The following HELZ variants were observed in gnomAD, a reference collection of about 807,000 sequenced individuals.
HELZ encodes helicase with zinc finger.
In HELZ, 23 loss-of-function variants were observed where a neutral mutation model predicts 218.2. The observed-to-expected ratio is 0.11, with a 90% CI of 0.08 to 0.15. HELZ has a LOEUF of 0.15. Among genes scored for constraint, HELZ ranks in the 10% least tolerant of loss-of-function variants. The pLI, the probability that HELZ is intolerant of heterozygous loss-of-function variation, is 1.00. For missense variants in HELZ, 1,813 were observed against 2,353.7 expected, an observed-to-expected ratio of 0.77 and a Z score of 4.75; for synonymous variants, 814 against 829.4, an observed-to-expected ratio of 0.98 and a Z score of 0.32.
intron 23 of HELZ, among the ~76,000 whole-genome samples, chr17:67,133,469 T>C (rs1303240153): frequency 6.6e-6 from 1 of 152,212 alleles, no homozygotes; most frequent in South Asian, 2.1e-4. Context: ...TTGGTAAATA[T>C]ATTTGGAGTT....
At chr17:67,203,125 A>G (rs2040209370) in intron 6 of HELZ, among the ~76,000 whole-genome samples, 194 bp downstream of exon 6, 1 of 152,154 alleles carries the variant, frequency 6.6e-6, no homozygotes, top group African/African-American at 2.4e-5. Context: ...TGTCTCAAAA[A>G]AAAGAAAAAA....
intron 4 of HELZ, 47 bp downstream of exon 4, chr17:67,218,548 G>T (rs746183548): frequency 7.1e-7 from 1 of 1,410,880 alleles, no homozygotes; most frequent in Admixed American, 1.7e-5. Context: ...AATGAAAAAG[G>T]CCATTTTACA....
Position 67,194,051 on chromosome 17 carries a change from T to C in HELZ, c.482-9A>G, listed in dbSNP as rs201558077. 3.8e-6 allele frequency: 6 copies of C among 1,594,668 alleles called. No individual in the cohort carries two copies. In the East Asian group the frequency reaches 1.1e-4, roughly 30 times the overall value. The stretch of plus-strand genomic sequence containing the variant: ...CCAACCATTACAAGACCCTAGGGAG[T>C]AATTAGGATATAGTCTTATCATTTG... On this transcript the variant is annotated splice_polypyrimidine_tract_variant and intron_variant, in intron 8 of 32. Coordinates refer to ENST00000358691, the MANE Select transcript of HELZ (RefSeq NM_014877.4).
chr17:67,222,494 A>G (rs2040773166), intron 3 of HELZ, among the ~76,000 whole-genome samples: 1 of 152,138 alleles, frequency 6.6e-6, no homozygotes, highest in South Asian at 2.1e-4. Context: ...GAAATGACTC[A>G]ATTTACGACC....
intron 12 of HELZ, among the ~76,000 whole-genome samples, chr17:67,183,696 T>G (rs2039673610): frequency 6.6e-6 from 1 of 152,186 alleles, no homozygotes; most frequent in South Asian, 2.1e-4. Flanking sequence ...AGTTGTGGTA[T>G]AAACCATAAG....
intron 23 of HELZ, among the ~76,000 whole-genome samples, chr17:67,133,126 C>T (rs1302730183): frequency 1.3e-5 from 2 of 152,130 alleles, no homozygotes; most frequent in Admixed American, 6.5e-5. Flanking sequence ...ATCAACATTG[C>T]CATGTAACTA....
chr17:67,203,505 T>C, intron 5 of HELZ, 62 bp from the exon 6 acceptor site: 2 of 1,592,566 alleles, frequency 1.3e-6, no homozygotes, highest in East Asian at 2.2e-5. Context: ...TTCTTGATTA[T>C]AGTATTAACA....
chr17:67,225,547 T>C (rs1598458138), intron 3 of HELZ: 1 of 152,558 alleles, frequency 6.6e-6, no homozygotes, highest in East Asian at 1.9e-4. Context: ...AAAAAGTATG[T>C]CTGTGTTAGT....
rs570497907 is a variant in HELZ at position 67,219,120 on chromosome 17, C to T, written c.-18-298G>A. Among the ~76,000 whole-genome samples the T allele has an allele frequency of 3.3e-5, 5 of 152,144 alleles. No homozygotes were observed. The East Asian group carries it at 7.7e-4, about 23-fold the overall frequency. On this transcript the variant is annotated intron_variant, in intron 3 of 32. Transcript: ENST00000358691. Reference sequence around the variant, plus strand: ...AGAAATGAAACATGACTGTGAATACCGCAAAGTATACAACAAACCATAAAG... The same window carrying T: ...AGAAATGAAACATGACTGTGAATACTGCAAAGTATACAACAAACCATAAAG...
chr17:67,131,287 A>G (rs2037975106), intron 23 of HELZ, among the ~76,000 whole-genome samples: 1 of 152,176 alleles, frequency 6.6e-6, no homozygotes, highest in Non-Finnish European at 1.5e-5. Flanking sequence ...CTACTTTTTA[A>G]AACTCCATAC....
rs1205455858 is a variant in HELZ at position 67,188,257 on chromosome 17, T to C, written c.1162+62A>G. 6.9e-7 allele frequency: 1 copy of C among 1,452,124 alleles called. No individual in the cohort carries two copies. Among genetic ancestry groups the C allele is most frequent in the African/African-American group, 1.4e-5 (1 of 71,124 alleles). The allele number at this position is 1,452,124 out of a possible 1,614,324, so 90.0% of individuals were successfully genotyped here. ...TCCATGGAATATATTCAGGGGCCAATACATATCTTTGAATGTTGCTTTTTA... is the reference window on the plus strand; with the variant it reads ...TCCATGGAATATATTCAGGGGCCAACACATATCTTTGAATGTTGCTTTTTA... On this transcript the variant is annotated intron_variant, in intron 12 of 32. Coordinates refer to ENST00000358691, the MANE Select transcript of HELZ (RefSeq NM_014877.4). The surrounding 1 kb of genome is among the most constrained non-coding windows in gnomAD (Gnocchi z 4.1).
chr17:67,242,374 T>C (rs551156033), intron 2 of HELZ, among the ~76,000 whole-genome samples: 20 of 148,900 alleles, frequency 1.3e-4, no homozygotes, highest in Non-Finnish European at 2.4e-4. Flanking sequence ...ATCGCGTCAT[T>C]GCACTCCAGC....
intron 15 of HELZ, 59 bp from the exon 16 acceptor site, chr17:67,161,135 C>G: frequency 1.6e-6 from 2 of 1,279,250 alleles, no homozygotes; most frequent in South Asian, 3.0e-5. Flanking sequence ...TAGAACATAA[C>G]ACACGAGTAT....
At chr17:67,243,400 A>C (rs1159264543) in intron 2 of HELZ, among the ~76,000 whole-genome samples, 1 of 152,218 alleles carries the variant, frequency 6.6e-6, no homozygotes, top group Non-Finnish European at 1.5e-5. Flanking sequence ...CCATATACAT[A>C]ATCACCGGGA....
At chr17:67,132,148 C>A (rs2038005313) in intron 23 of HELZ, among the ~76,000 whole-genome samples, 1 of 152,094 alleles carries the variant, frequency 6.6e-6, no homozygotes, top group Non-Finnish European at 1.5e-5. Flanking sequence ...GTTTGATTTT[C>A]TTTCTCTGTT....
At chr17:67,099,724 G>A (rs2036863865) in intron 31 of HELZ, among the ~76,000 whole-genome samples, 1 of 152,100 alleles carries the variant, frequency 6.6e-6, no homozygotes, top group Admixed American at 6.5e-5. Context: ...TTTCACCTGT[G>A]TGTATATAAA....
intron 12 of HELZ, among the ~76,000 whole-genome samples, chr17:67,181,728 T>C (rs2039618214): frequency 6.6e-6 from 1 of 152,010 alleles, no homozygotes; most frequent in Non-Finnish European, 1.5e-5. Flanking sequence ...AATCCACATA[T>C]TCCAGCAACA....
At chr17:67,086,804 G>GT in intron 32 of HELZ, 25 bp downstream of exon 32, 1 of 1,612,246 alleles carries the variant, frequency 6.2e-7, no homozygotes. Context: ...GTACAGATTA[G>GT]TTTTAGCCAC....
In HELZ at chr17:67,167,733, A is replaced by C; in HGVS notation, c.1494T>G (p.Gly498=). ...ASFMLTGVSG[G]AKYAQNGQLF... Reference sequence around the variant, plus strand: ...GTTGTCCATTCTGAGCATACTTTGCACCTCCAGAAACACCAGTGAGCATGA... The same window carrying C: ...GTTGTCCATTCTGAGCATACTTTGCCCCTCCAGAAACACCAGTGAGCATGA... The change falls in exon 14 of 33, where the codon GGT becomes GGG. Residue 498 remains glycine (G), a synonymous_variant. Transcript: ENST00000358691. 1 of 1,614,108 alleles carries C rather than the reference A, an allele frequency of 6.2e-7. No homozygotes were observed.
Sources: gnomAD v4.1 joint callset for allele counts (sites outside exome capture counted in the v4.1 genomes callset) on GRCh38, gnomAD v4.1.1 for gene constraint, Gnocchi (gnomAD v3.1) non-coding constraint, MANE v1.5 for transcripts, NCBI Gene and HGNC (gene_info 2026-07-23, HGNC 2026-07-21) for gene names.